Variants in PFDN4 observed in about 807,000 individuals in gnomAD.
PFDN4 encodes the protein prefoldin subunit 4.
Under a neutral mutation model 17.6 loss-of-function variants are expected in PFDN4, and 6 were observed. The ratio of observed to expected loss-of-function variants is 0.34; its 90% CI spans 0.19 to 0.67. PFDN4 has a LOEUF of 0.67. Among genes scored for constraint, PFDN4 ranks in the 30% least tolerant of loss-of-function variants. PFDN4 has a pLI of 0.68. For synonymous variants in PFDN4, 48 were observed against 51.1 expected, an observed-to-expected ratio of 0.94 and a Z score of 0.26; for missense variants, 119 against 158.4, an observed-to-expected ratio of 0.75 and a Z score of 1.33.
intron 3 of PFDN4, 48 bp from the exon 4 acceptor site, chr20:54,218,971 A>G: frequency 8.2e-7 from 1 of 1,212,374 alleles, no homozygotes; most frequent in Non-Finnish European, 1.1e-6. Flanking sequence ...ACAGATGCTC[A>G]GAAATCATCC....
chr20:54,209,384 G>A (rs1252550037), intron 1 of PFDN4, among the ~76,000 whole-genome samples: 1 of 152,154 alleles, frequency 6.6e-6, no homozygotes, highest in East Asian at 1.9e-4. Context: ...TGTGCCTGGT[G>A]TAGGGTGACC....
In PFDN4 at chr20:54,214,431, G is replaced by A. The variant is rs951318866; in HGVS notation, c.105G>A (p.Glu35=). 3 of 1,563,000 alleles carry A rather than the reference G, an allele frequency of 1.9e-6. No individual in the cohort carries two copies. Among genetic ancestry groups the A allele is most frequent in the South Asian group, 1.2e-5 (1 of 86,308 alleles). The stretch of plus-strand genomic sequence containing the variant: ...CACGGAATACAAGTAGAATCACAGA[G>A]CTGAAGGAAGAAATAGAAGTAAAAA... ...KFARNTSRIT[E]LKEEIEVKKK... The change falls in exon 2 of 4, where the codon GAG becomes GAA. Residue 35 remains glutamate, a synonymous_variant. Transcript: ENST00000371419.
chr20:54,212,696 G>T (rs930868365), intron 1 of PFDN4, among the ~76,000 whole-genome samples: 1 of 152,208 alleles, frequency 6.6e-6, no homozygotes, highest in African/African-American at 2.4e-5. Context: ...CCTGTTGGGG[G>T]TTCAATATTT....
chr20:54,214,257 GC>G (rs2092759689), intron 1 of PFDN4, 93 bp from the exon 2 acceptor site: 1 of 684,924 alleles, frequency 1.5e-6, no homozygotes, highest in Admixed American at 2.7e-5. Context: ...CTATATGAGT[GC>G]AAATGGCTTA....
At chr20:54,213,262 A>G (rs1176452065) in intron 1 of PFDN4, among the ~76,000 whole-genome samples, 1 of 152,216 alleles carries the variant, frequency 6.6e-6, no homozygotes, top group Admixed American at 6.5e-5. Context: ...TCTGGTTTTC[A>G]TTTTATAAAT....
chr20:54,213,433 A>G (rs2092758613), intron 1 of PFDN4, among the ~76,000 whole-genome samples: 1 of 152,232 alleles, frequency 6.6e-6, no homozygotes, highest in Non-Finnish European at 1.5e-5. Flanking sequence ...GCACACTCAC[A>G]GAGACGCACG....
chr20:54,209,940 A>G lies in PFDN4; in HGVS notation c.24+1816A>G, dbSNP rs756450045. 4.6e-5 allele frequency among the ~76,000 whole-genome samples: 7 copies of G among 152,250 alleles called. No individual in the cohort carries two copies. In the Middle Eastern group the frequency reaches 9.5e-3, roughly 206 times the overall value. On this transcript the variant is annotated intron_variant, in intron 1 of 3. Transcript: ENST00000371419. ...GCAGGCATTACTCAGATAGTCAGACAGAAAACTAGTTTCTCTGATGAGAAC... is the reference window on the plus strand; with the variant it reads ...GCAGGCATTACTCAGATAGTCAGACGGAAAACTAGTTTCTCTGATGAGAAC...
At position 54,219,244 on chromosome 20, in the gene PFDN4, TTC is replaced by T; in HGVS notation, c.*96_*97del. 1.3e-6 allele frequency: 1 copy of T among 793,996 alleles called. No individual in the cohort carries two copies. The highest frequency in any genetic ancestry group is 1.9e-6 in the Non-Finnish European group (1 of 535,550). 49.2% of individuals were successfully genotyped at this position (793,996 alleles called of 1,614,324 possible). A position where few individuals can be genotyped will look rare whatever the true frequency, so the allele number is the denominator to read the frequency against. ...TTCAAATGACATGGAAAGCAAAACT[TTC>T]TTTTTTAAAAATTTTCATTTATTTA... On this transcript the variant is annotated 3_prime_UTR_variant, in exon 4 of 4. Coordinates refer to ENST00000371419, the MANE Select transcript of PFDN4 (RefSeq NM_002623.4).
At position 54,215,308 on chromosome 20, in the gene PFDN4, C is replaced by A. The variant is rs376961672; in HGVS notation, c.141C>A (p.Leu47=). The part of the protein sequence containing the change: ...KEEIEVKKKQ[L]QNLEDACDDI... ...CCATTTTGCATTTATAGAAACAACTCCAAAACCTAGAAGATGCTTGTGATG... is the reference window on the plus strand; with the variant it reads ...CCATTTTGCATTTATAGAAACAACTACAAAACCTAGAAGATGCTTGTGATG... The change falls in exon 3 of 4, where the codon CTC becomes CTA. Residue 47 remains leucine, a synonymous_variant. Transcript: ENST00000371419. The A allele has an allele frequency of 6.7e-5, 106 of 1,579,232 alleles. No individual in the cohort carries two copies. The highest frequency in any genetic ancestry group is 2.5e-4 in the Admixed American group (14 of 56,832).
chr20:54,217,624 C>T (rs1470541079), intron 3 of PFDN4, among the ~76,000 whole-genome samples: 2 of 152,140 alleles, frequency 1.3e-5, no homozygotes, highest in African/African-American at 4.8e-5. Context: ...CTAGATTGGG[C>T]CTGTGGGCTA....
chr20:54,213,443 G>A (rs1379312550), intron 1 of PFDN4, among the ~76,000 whole-genome samples: 2 of 152,140 alleles, frequency 1.3e-5, no homozygotes, highest in Non-Finnish European at 2.9e-5. Flanking sequence ...AGAGACGCAC[G>A]TTCACATTCA....
chr20:54,212,135 G>A (rs2092756698), intron 1 of PFDN4, among the ~76,000 whole-genome samples: 1 of 151,518 alleles, frequency 6.6e-6, no homozygotes, highest in Admixed American at 6.6e-5. Context: ...GGAGGTTGCA[G>A]TGAGCCAAGA....
At chr20:54,211,446 G>C (rs1447472916) in intron 1 of PFDN4, among the ~76,000 whole-genome samples, 2 of 152,170 alleles carry the variant, frequency 1.3e-5, no homozygotes, top group African/African-American at 4.8e-5. Flanking sequence ...CAATATTCAG[G>C]ATGTAAAATG....
chr20:54,216,614 TACAC>T (rs914476157), intron 3 of PFDN4, among the ~76,000 whole-genome samples: 15 of 152,134 alleles, frequency 9.9e-5, no homozygotes, highest in Admixed American at 3.3e-4. Flanking sequence ...CCCTGCCCCA[TACAC>T]AGATAGCTAC....
At chr20:54,216,461 T>A (rs1406804723) in intron 3 of PFDN4, among the ~76,000 whole-genome samples, 3 of 152,208 alleles carry the variant, frequency 2.0e-5, no homozygotes. Flanking sequence ...TGCATAAATC[T>A]TATATGTCTC....
intron 1 of PFDN4, among the ~76,000 whole-genome samples, chr20:54,213,012 G>C (rs1476834728): frequency 1.3e-5 from 2 of 152,234 alleles, no homozygotes; most frequent in African/African-American, 2.4e-5. Context: ...CTAACAAAGG[G>C]GAGGACTGTG....
At position 54,215,238 on chromosome 20, in the gene PFDN4, T is replaced by C. The variant is rs941421282; in HGVS notation, c.133-62T>C. 8.0e-6 allele frequency: 10 copies of C among 1,253,130 alleles called. No individual in the cohort carries two copies. The African/African-American group carries it at 1.5e-4, about 19-fold the overall frequency. The allele number at this position is 1,253,130 out of a possible 1,614,324, so 77.6% of individuals were successfully genotyped here. On this transcript the variant is annotated intron_variant, in intron 2 of 3. Coordinates refer to ENST00000371419, the MANE Select transcript of PFDN4 (RefSeq NM_002623.4). ...GAGAGTTGCTGTCCCCAAATTACAA[T>C]TGGCCTTTAGCTTCTATCAGAGAAC...
Position 54,219,573 on chromosome 20 carries a change from A to T in PFDN4, c.*423A>T, listed in dbSNP as rs2092767114. 1 of 393,554 alleles carries T rather than the reference A, an allele frequency of 2.5e-6. No homozygotes were observed. The highest frequency in any genetic ancestry group is 4.4e-5 in the Admixed American group (1 of 22,626). The allele number at this position is 393,554 out of a possible 1,614,324, so 24.4% of individuals were successfully genotyped here. On this transcript the variant is annotated 3_prime_UTR_variant, in exon 4 of 4. Coordinates refer to ENST00000371419, the MANE Select transcript of PFDN4 (RefSeq NM_002623.4). ...AATCCTGCATCCTTGCTTATTTCAC[A>T]ACTAAAGCTTTGTCATAGACTTCAA...
At chr20:54,213,223 C>T (rs2092758363) in intron 1 of PFDN4, among the ~76,000 whole-genome samples, 1 of 152,186 alleles carries the variant, frequency 6.6e-6, no homozygotes. Flanking sequence ...ACACAAATAT[C>T]TTTTCTTCTT....
Sources: gnomAD v4.1 joint callset for allele counts (sites outside exome capture counted in the v4.1 genomes callset) on GRCh38, gnomAD v4.1.1 for gene constraint, MANE v1.5 for transcripts, NCBI Gene and HGNC (gene_info 2026-07-23, HGNC 2026-07-21) for gene names.